The following SLC25A26 variants were observed in gnomAD, a reference collection of about 807,000 sequenced individuals.
SLC25A26 encodes the protein mitochondrial S-adenosylmethionine carrier protein.
A neutral mutation model predicts 37.8 loss-of-function variants in SLC25A26; 36 were observed. The observed-to-expected ratio is 0.95, with a 90% CI of 0.73 to 1.26. SLC25A26 has a LOEUF of 1.26. Among genes scored for constraint, SLC25A26 ranks in the 50% most tolerant of loss-of-function variants. SLC25A26 has a pLI of 0.00. For synonymous variants in SLC25A26, 129 were observed against 122.5 expected, an observed-to-expected ratio of 1.05 and a Z score of -0.35; for missense variants, 390 against 331.1, an observed-to-expected ratio of 1.18 and a Z score of -1.38.
chr3:66,288,343 C>T (rs999936980), intron 5 of SLC25A26, among the ~76,000 whole-genome samples: 4 of 152,030 alleles, frequency 2.6e-5, no homozygotes, highest in Admixed American at 1.3e-4. Context: ...AAAAATTAAA[C>T]TTTAAGTTCT....
At chr3:66,306,699 C>T (rs1268828637) in intron 5 of SLC25A26, among the ~76,000 whole-genome samples, 1 of 152,104 alleles carries the variant, frequency 6.6e-6, no homozygotes, top group African/African-American at 2.4e-5. Context: ...ATGTTCCCCT[C>T]CCTGGGTCCA....
chr3:66,293,510 T>C (rs1376422980), intron 5 of SLC25A26, among the ~76,000 whole-genome samples: 1 of 152,084 alleles, frequency 6.6e-6, no homozygotes, highest in Non-Finnish European at 1.5e-5. Context: ...CATTAGTTTT[T>C]TTTTTTTTTC....
intron 1 of SLC25A26, among the ~76,000 whole-genome samples, chr3:66,194,751 G>C (rs1238526371): frequency 1.3e-5 from 2 of 152,318 alleles, no homozygotes; most frequent in South Asian, 2.1e-4. Context: ...ACAGGCATGC[G>C]CCACCACGCC....
chr3:66,372,871 A>G (rs1043379145), intron 9 of SLC25A26, among the ~76,000 whole-genome samples: 2 of 151,964 alleles, frequency 1.3e-5, no homozygotes, highest in African/African-American at 4.8e-5. Context: ...CGGGGCGTGC[A>G]CTAAGTTTAC....
intron 5 of SLC25A26, among the ~76,000 whole-genome samples, chr3:66,276,845 T>C (rs2074166174): frequency 1.3e-5 from 2 of 151,324 alleles, no homozygotes; most frequent in Admixed American, 1.3e-4. Flanking sequence ...AACTTGTCAG[T>C]GCAAAACTGA....
chr3:66,294,363 A>G (rs1307053633), intron 5 of SLC25A26, among the ~76,000 whole-genome samples: 2 of 151,980 alleles, frequency 1.3e-5, no homozygotes, highest in African/African-American at 4.8e-5. Context: ...TTGTACGTTG[A>G]TTTTGTATCC....
chr3:66,135,891 T>C (rs906503051), intron 1 of SLC25A26, among the ~76,000 whole-genome samples: 2 of 152,260 alleles, frequency 1.3e-5, no homozygotes, highest in African/African-American at 4.8e-5. Context: ...CATTGGATAT[T>C]CTTTCAATGA....
At chr3:66,373,777 G>C (rs1700484825) in intron 9 of SLC25A26, among the ~76,000 whole-genome samples, 1 of 150,858 alleles carries the variant, frequency 6.6e-6, no homozygotes, top group Admixed American at 6.6e-5. Flanking sequence ...GTGCAGTATT[G>C]TAATGATTTA....
intron 6 of SLC25A26, chr3:66,356,002 G>A (rs1275590470): frequency 2.2e-6 from 1 of 455,972 alleles, no homozygotes; most frequent in Non-Finnish European, 4.4e-6. Context: ...TGTATAAAAA[G>A]CATATAGTAA....
chr3:66,217,055 A>T (rs1282384770), upstream of SLC25A26, among the ~76,000 whole-genome samples: 3 of 152,196 alleles, frequency 2.0e-5, no homozygotes, highest in African/African-American at 7.2e-5. Context: ...GAGACTATGT[A>T]TTTCTTCTTG....
At chr3:66,313,020 A>C (rs1576855166) in intron 5 of SLC25A26, among the ~76,000 whole-genome samples, 1 of 152,238 alleles carries the variant, frequency 6.6e-6, no homozygotes, top group East Asian at 1.9e-4. Context: ...TAGACTCTGG[A>C]TACTAGACCT....
At chr3:66,193,987 T>C (rs1287114597) in intron 1 of SLC25A26, among the ~76,000 whole-genome samples, 1 of 152,134 alleles carries the variant, frequency 6.6e-6, no homozygotes, top group Non-Finnish European at 1.5e-5. Flanking sequence ...AAATGGAGCT[T>C]AACGAAAATT....
At chr3:66,376,649 C>G (rs77068047) in intron 9 of SLC25A26, among the ~76,000 whole-genome samples, 20 of 152,290 alleles carry the variant, frequency 1.3e-4, no homozygotes, top group African/African-American at 4.8e-4. Context: ...CCCTGGGAAA[C>G]GAAGAAATTT....
intron 1 of SLC25A26, among the ~76,000 whole-genome samples, chr3:66,150,572 A>G (rs1473807645): frequency 4.7e-5 from 6 of 127,718 alleles, no homozygotes; most frequent in Non-Finnish European, 9.8e-5. Context: ...ATATATAAAA[A>G]TATATATATC....
chr3:66,229,494 C>T (rs180850937), intron 1 of SLC25A26, among the ~76,000 whole-genome samples: 2 of 152,190 alleles, frequency 1.3e-5, no homozygotes, highest in African/African-American at 4.8e-5. Flanking sequence ...CTCATGAGAT[C>T]TGATGGTTTT....
chr3:66,235,850 A>G (rs538057200), intron 1 of SLC25A26, among the ~76,000 whole-genome samples: 21 of 152,340 alleles, frequency 1.4e-4, no homozygotes, highest in African/African-American at 4.8e-4. Context: ...GTTATTAGGA[A>G]CAAGATTGGA....
rs141578598 is a variant in SLC25A26 at position 66,163,120 on chromosome 3, A to C, written c.-354+29136A>C. 1.7e-3 allele frequency among the ~76,000 whole-genome samples: 265 copies of C among 152,038 alleles called. 7 individuals are homozygous for C. In the East Asian group the frequency reaches 0.049, roughly 28 times the overall value. ...CCTCGACATCCTTGTTAAAATGTTC[A>C]CTCTTTTAAAGAGGAAAAAAGCTGC... On this transcript the variant is annotated intron_variant, in intron 1 of 10. Coordinates refer to the SLC25A26 transcript ENST00000676754.
At chr3:66,333,055 G>C (rs1173587102) in intron 5 of SLC25A26, among the ~76,000 whole-genome samples, 1 of 152,038 alleles carries the variant, frequency 6.6e-6, no homozygotes, top group African/African-American at 2.4e-5. Context: ...GAAGTCTGAT[G>C]CCTCTGATTT....
At chr3:66,194,737 G>A (rs2071013069) in intron 1 of SLC25A26, among the ~76,000 whole-genome samples, 5 of 152,234 alleles carry the variant, frequency 3.3e-5, no homozygotes, top group Non-Finnish European at 5.9e-5. Flanking sequence ...GCATAGCTGG[G>A]ATTACAGGCA....
Sources: allele counts gnomAD v4.1 joint callset (sites outside exome capture counted in the v4.1 genomes callset), GRCh38; gene constraint gnomAD v4.1.1; transcripts MANE v1.5; gene names NCBI Gene and HGNC (gene_info 2026-07-23, HGNC 2026-07-21).